CNTN4: variants seen among roughly 807,000 people sequenced by gnomAD.
The protein encoded by CNTN4 is contactin 4, also known as contactin-4.
In CNTN4, 77 loss-of-function variants were observed where a neutral mutation model predicts 122.5. The ratio of observed to expected loss-of-function variants is 0.63; its 90% confidence interval spans 0.52 to 0.76. The LOEUF is 0.76. Among genes scored for constraint, CNTN4 ranks in the 30% least tolerant of loss-of-function variants. The pLI is 0.00. For synonymous variants in CNTN4, 512 were observed against 447.0 expected, an observed-to-expected ratio of 1.15 and a Z score of -1.83; for missense variants, 1,256 against 1,259.1, an observed-to-expected ratio of 1.00 and a Z score of 0.04.
chr3:2,548,219 T>A (rs191100191), intron 3 of CNTN4, among the ~76,000 whole-genome samples: 13 of 152,318 alleles, frequency 8.5e-5, no homozygotes, highest in Admixed American at 8.5e-4. Context: ...TTGCCATTGC[T>A]TTTGGTGTTT....
chr3:2,453,062 A>G (rs990204), intron 3 of CNTN4, among the ~76,000 whole-genome samples: 55,833 of 152,000 alleles, frequency 0.37, 10,674 homozygotes, highest in East Asian at 0.62. Context: ...ACACTGAAGC[A>G]GTGTTAACAG....
At chr3:2,305,585 C>A (rs1457293169) in intron 2 of CNTN4, among the ~76,000 whole-genome samples, 1 of 152,124 alleles carries the variant, frequency 6.6e-6, no homozygotes, top group Non-Finnish European at 1.5e-5. Context: ...TTGACCAATT[C>A]ATATACTATA....
At chr3:2,462,887 A>G (rs990438200) in intron 3 of CNTN4, among the ~76,000 whole-genome samples, 1 of 152,170 alleles carries the variant, frequency 6.6e-6, no homozygotes, top group Non-Finnish European at 1.5e-5. Flanking sequence ...TCATTTCAGT[A>G]TGGGACCGAT....
intron 14 of CNTN4, among the ~76,000 whole-genome samples, chr3:2,998,331 C>T (rs1201005894): frequency 6.6e-6 from 1 of 152,192 alleles, no homozygotes; most frequent in East Asian, 1.9e-4. Flanking sequence ...CATTGTGAGC[C>T]GTAGACCACA....
At chr3:2,494,916 A>G (rs1022938006) in intron 3 of CNTN4, among the ~76,000 whole-genome samples, 4 of 152,174 alleles carry the variant, frequency 2.6e-5, no homozygotes, top group East Asian at 1.9e-4. Flanking sequence ...TCCTTGTTCT[A>G]TATCAGGGTT....
At chr3:2,947,888 A>T (rs1325525861) in intron 13 of CNTN4, among the ~76,000 whole-genome samples, 1 of 152,226 alleles carries the variant, frequency 6.6e-6, no homozygotes, top group Non-Finnish European at 1.5e-5. Flanking sequence ...CCAGGAAATT[A>T]TTCTGTTCTA....
At chr3:2,771,103 C>A (rs1017106347) in intron 6 of CNTN4, among the ~76,000 whole-genome samples, 1 of 152,166 alleles carries the variant, frequency 6.6e-6, no homozygotes, top group Non-Finnish European at 1.5e-5. Context: ...GCACTTAAAG[C>A]AAAATGACTG....
At chr3:2,592,302 A>G (rs1307364943) in intron 4 of CNTN4, among the ~76,000 whole-genome samples, 2 of 152,200 alleles carry the variant, frequency 1.3e-5, no homozygotes, top group Non-Finnish European at 2.9e-5. Context: ...TACTTTACCT[A>G]TCTGCATGAT....
At chr3:2,778,304 A>ATAAGAGAAATCCATGATACAATTGTTTT (rs1559493285) in intron 6 of CNTN4, among the ~76,000 whole-genome samples, 2 of 149,090 alleles carry the variant, frequency 1.3e-5, no homozygotes, top group Non-Finnish European at 3.0e-5. Context: ...CCATGTATGT[A>ATAAGAGAAATCCATGATACAATTGTTTT]TAAGAGAAAA....
intron 11 of CNTN4, among the ~76,000 whole-genome samples, chr3:2,902,321 T>G (rs1282490741): frequency 6.6e-6 from 1 of 152,062 alleles, no homozygotes; most frequent in African/African-American, 2.4e-5. Context: ...CAGATGGTCC[T>G]CAGCTTAAAT....
chr3:2,206,837 A>C (rs1033980721), intron 2 of CNTN4, among the ~76,000 whole-genome samples: 1 of 149,516 alleles, frequency 6.7e-6, no homozygotes, highest in Non-Finnish European at 1.5e-5. Flanking sequence ...GGGATACCTC[A>C]TCCGATTGCA....
rs1013909597 is a variant in CNTN4 at position 2,731,466 on chromosome 3, A to G, written c.56-4749A>G. Reference sequence around the variant, plus strand: ...TCAGGAAATCATGAAATCATGATGTAACAGTATTGGTGCCTGCACTAGATC... The same window carrying G: ...TCAGGAAATCATGAAATCATGATGTGACAGTATTGGTGCCTGCACTAGATC... On this transcript the variant is annotated intron_variant, in intron 4 of 24. Transcript: ENST00000418658. Among the ~76,000 whole-genome samples, 9 of 152,318 alleles carry G rather than the reference A, an allele frequency of 5.9e-5. 2 individuals carry two copies.
intron 4 of CNTN4, among the ~76,000 whole-genome samples, chr3:2,700,517 C>G (rs1009572665): frequency 6.6e-6 from 1 of 152,168 alleles, no homozygotes; most frequent in Non-Finnish European, 1.5e-5. Flanking sequence ...TGGATTTATT[C>G]TGTTTCTCTT....
At chr3:2,571,274 T>A (rs2079408548) in intron 3 of CNTN4, 142 bp from the exon 4 acceptor site, 1 of 584,768 alleles carries the variant, frequency 1.7e-6, no homozygotes, top group African/African-American at 1.9e-5. Flanking sequence ...TTTATATTCA[T>A]AATTTAACAT....
intron 12 of CNTN4, among the ~76,000 whole-genome samples, chr3:2,912,008 A>G (rs1183298843): frequency 6.6e-6 from 1 of 152,190 alleles, no homozygotes; most frequent in Non-Finnish European, 1.5e-5. Flanking sequence ...AGAAAATGGC[A>G]GAGAGCCTAT....
chr3:2,807,518 C>G lies in CNTN4; in HGVS notation c.359-11968C>G, dbSNP rs910783016. 2.9e-4 allele frequency among the ~76,000 whole-genome samples: 44 copies of G among 151,490 alleles called. 1 individual carries two copies. Among genetic ancestry groups the G allele is most frequent in the Admixed American group, 3.9e-4 (6 of 15,204 alleles). The stretch of plus-strand genomic sequence containing the variant: ...TTAAAAATTTTTAACTGGTATACAG[C>G]TAATTCAGCATCCAGTATCCCAAGA... On this transcript the variant is annotated intron_variant, in intron 6 of 24. Transcript: ENST00000418658.
At chr3:2,930,779 T>A (rs888991292) in intron 13 of CNTN4, among the ~76,000 whole-genome samples, 12 of 152,140 alleles carry the variant, frequency 7.9e-5, no homozygotes, top group Non-Finnish European at 1.8e-4. Context: ...CACTGGGTAT[T>A]TACCTTTGCT....
At chr3:2,543,989 T>G (rs1347263125) in intron 3 of CNTN4, among the ~76,000 whole-genome samples, 3 of 152,140 alleles carry the variant, frequency 2.0e-5, no homozygotes, top group Non-Finnish European at 4.4e-5. Context: ...TGGATATATC[T>G]GTCCTCTTTT....
At position 2,547,872 on chromosome 3, in the gene CNTN4, T is replaced by C. The variant is rs183687513; in HGVS notation, c.-88-23544T>C. On this transcript the variant is annotated intron_variant, in intron 3 of 24. Coordinates refer to ENST00000418658, the MANE Select transcript of CNTN4 (RefSeq NM_175607.3). ...ATCCACAGATCCCCAGGAAATTATT[T>C]CTTGTTTTCACAGAGACATGCGTAT... 3.4e-3 allele frequency among the ~76,000 whole-genome samples: 525 copies of C among 152,222 alleles called. 4 individuals are homozygous for C. Among genetic ancestry groups the C allele is most frequent in the African/African-American group, 0.012 (496 of 41,550 alleles).
Sources: gnomAD v4.1 joint callset for allele counts (sites outside exome capture counted in the v4.1 genomes callset) on GRCh38, gnomAD v4.1.1 for gene constraint, MANE v1.5 for transcripts, NCBI Gene and HGNC (gene_info 2026-07-23, HGNC 2026-07-21) for gene names.